CCDC146: variants seen among roughly 807,000 people sequenced by gnomAD.
CCDC146 encodes the protein coiled-coil domain-containing protein 146.
In CCDC146, 92 loss-of-function variants were observed where a neutral mutation model predicts 119.3. The ratio of observed to expected loss-of-function variants is 0.77; its 90% confidence interval spans 0.65 to 0.92. The LOEUF is 0.92. Ranked by LOEUF, CCDC146 falls within the 40% of genes least tolerant of loss-of-function variation. CCDC146 has a pLI of 0.00. For missense variants in CCDC146, 1,000 were observed against 1,103.0 expected (o/e 0.91, Z 1.32); for synonymous variants, 372 against 371.8 (o/e 1.00, Z -0.01).
chr7:77,150,842 GTTTA>G (rs1791100152), intron 1 of CCDC146, among the ~76,000 whole-genome samples: 1 of 152,084 alleles, frequency 6.6e-6, no homozygotes, highest in Non-Finnish European at 1.5e-5. Flanking sequence ...ATAAAATGTG[GTTTA>G]TTTATGCAAT....
chr7:77,221,933 A>G (rs1444864434), intron 2 of CCDC146, among the ~76,000 whole-genome samples: 1 of 152,256 alleles, frequency 6.6e-6, no homozygotes, highest in Non-Finnish European at 1.5e-5. Context: ...CTGTATTTAC[A>G]TGACAAATGA....
At chr7:77,263,592 A>C (rs781394300) in intron 9 of CCDC146, among the ~76,000 whole-genome samples, 9 of 152,234 alleles carry the variant, frequency 5.9e-5, no homozygotes, top group Non-Finnish European at 1.2e-4. Flanking sequence ...TAGGACTTGG[A>C]CTTCGTCTTG....
intron 17 of CCDC146, among the ~76,000 whole-genome samples, chr7:77,291,106 T>A (rs894172093): frequency 6.6e-6 from 1 of 152,216 alleles, no homozygotes; most frequent in Non-Finnish European, 1.5e-5. Context: ...CTTGTCCTCA[T>A]GAAGAGTACA....
chr7:77,277,446 AT>A (rs1190634470), intron 11 of CCDC146, among the ~76,000 whole-genome samples: 1 of 152,238 alleles, frequency 6.6e-6, no homozygotes, highest in African/African-American at 2.4e-5. Flanking sequence ...AGATACAGAA[AT>A]TGATAAAGGA....
intron 2 of CCDC146, among the ~76,000 whole-genome samples, chr7:77,212,277 C>T (rs1792199354): frequency 6.6e-6 from 1 of 152,040 alleles, no homozygotes; most frequent in South Asian, 2.1e-4. Flanking sequence ...ATATAGCTTT[C>T]CTATTATAAT....
intron 9 of CCDC146, among the ~76,000 whole-genome samples, chr7:77,264,393 G>T (rs1793360917): frequency 6.6e-6 from 1 of 152,144 alleles, no homozygotes; most frequent in African/African-American, 2.4e-5. Context: ...AAGAAGCTGG[G>T]ATTACAGGCA....
intron 1 of CCDC146, among the ~76,000 whole-genome samples, chr7:77,159,975 C>G (rs1370104770): frequency 1.3e-5 from 2 of 152,158 alleles, no homozygotes; most frequent in African/African-American, 2.4e-5. Flanking sequence ...CCAGTTTCAG[C>G]TTTCTACATA....
intron 2 of CCDC146, among the ~76,000 whole-genome samples, chr7:77,176,317 A>T (rs1356350745): frequency 3.3e-5 from 5 of 151,202 alleles, no homozygotes; most frequent in Non-Finnish European, 7.4e-5. Flanking sequence ...TGAAGATGTG[A>T]AGAGAGACTG....
At chr7:77,289,776 C>A (rs534711281) in intron 17 of CCDC146, among the ~76,000 whole-genome samples, 2 of 152,308 alleles carry the variant, frequency 1.3e-5, no homozygotes, top group Admixed American at 6.5e-5. Context: ...AGACTTGGAG[C>A]AACCCAGGAT....
At chr7:77,215,997 C>T (rs1236050196) in intron 2 of CCDC146, among the ~76,000 whole-genome samples, 4 of 151,808 alleles carry the variant, frequency 2.6e-5, no homozygotes, top group Non-Finnish European at 4.4e-5. Context: ...GTATCCCTAA[C>T]CCCCCCACCT....
At chr7:77,178,027 T>A (rs1186193877) in intron 2 of CCDC146, among the ~76,000 whole-genome samples, 1 of 152,240 alleles carries the variant, frequency 6.6e-6, no homozygotes, top group Non-Finnish European at 1.5e-5. Context: ...TCAACATACC[T>A]AAATCCATTT....
At chr7:77,247,771 T>A (rs1360050650) in intron 4 of CCDC146, among the ~76,000 whole-genome samples, 1 of 152,152 alleles carries the variant, frequency 6.6e-6, no homozygotes, top group African/African-American at 2.4e-5. Flanking sequence ...ATAGCTATTA[T>A]TAAAAAGATA....
chr7:77,187,346 C>A (rs958709766), intron 2 of CCDC146, among the ~76,000 whole-genome samples: 1 of 152,102 alleles, frequency 6.6e-6, no homozygotes, highest in African/African-American at 2.4e-5. Context: ...TTTCTTAAAG[C>A]CTTAGTTTGA....
At chr7:77,205,429 T>C (rs1441968175) in intron 2 of CCDC146, among the ~76,000 whole-genome samples, 2 of 152,196 alleles carry the variant, frequency 1.3e-5, no homozygotes, top group East Asian at 3.8e-4. Flanking sequence ...TTATCTAATA[T>C]ATGTGTTTTC....
intron 2 of CCDC146, among the ~76,000 whole-genome samples, chr7:77,172,653 A>G (rs555734807): frequency 6.6e-6 from 1 of 152,286 alleles, no homozygotes; most frequent in African/African-American, 2.4e-5. Flanking sequence ...TTAGATTCTC[A>G]GGAGCTACTC....
chr7:77,222,481 C>T (rs1425344078), intron 2 of CCDC146, among the ~76,000 whole-genome samples: 2 of 152,188 alleles, frequency 1.3e-5, no homozygotes, highest in Non-Finnish European at 2.9e-5. Flanking sequence ...CTGGGGTATA[C>T]TGACAGACAG....
rs538495739 is a variant in CCDC146, at chr7:77,142,407, T to G, written c.-12+19675T>G. 9.1e-3 allele frequency among the ~76,000 whole-genome samples: 1,366 copies of G among 149,486 alleles called. 17 individuals carry two copies. Among genetic ancestry groups the G allele is most frequent in the African/African-American group, 0.032 (1,286 of 40,740 alleles). On this transcript the variant is annotated intron_variant, in intron 1 of 18. Transcript: ENST00000285871. ...CAGGTTTGTTACATATGTATACATGTGCCATGTGTACATGTATACATGTGC... is the reference window on the plus strand; with the variant it reads ...CAGGTTTGTTACATATGTATACATGGGCCATGTGTACATGTATACATGTGC...
chr7:77,230,154 C>T (rs2150474416), intron 2 of CCDC146, among the ~76,000 whole-genome samples: 1 of 152,258 alleles, frequency 6.6e-6, no homozygotes, highest in Non-Finnish European at 1.5e-5. Flanking sequence ...CTGAATATTC[C>T]ATCCTATGGA....
chr7:77,160,764 C>T (rs1011041479), intron 1 of CCDC146, among the ~76,000 whole-genome samples: 26 of 151,942 alleles, frequency 1.7e-4, no homozygotes, highest in Non-Finnish European at 1.5e-5. Flanking sequence ...CCTTTATTTC[C>T]TTCTCCTGCC....
Sources: allele counts gnomAD v4.1 joint callset (sites outside exome capture counted in the v4.1 genomes callset), GRCh38; gene constraint gnomAD v4.1.1; transcripts MANE v1.5; gene names NCBI Gene and HGNC (gene_info 2026-07-23, HGNC 2026-07-21).